Variants in WFS1 observed in about 807,000 individuals in gnomAD.
The protein encoded by WFS1 is wolframin.
A neutral mutation model predicts 68.5 loss-of-function variants in WFS1; 90 were observed. That is an observed-to-expected ratio of 1.31 (90% CI 1.11 to 1.56). The LOEUF (loss-of-function observed/expected upper bound fraction) is 1.56. Among genes scored for constraint, WFS1 ranks in the 40% most tolerant of loss-of-function variants. The pLI is 0.00. For missense variants in WFS1, 1,767 were observed against 1,232.6 expected (o/e 1.43, Z -6.49); for synonymous variants, 860 against 540.7 (o/e 1.59, Z -8.19).
At chr4:6,294,628 G>A (rs900463813) in intron 6 of WFS1, 13 of 322,668 alleles carry the variant, frequency 4.0e-5, no homozygotes, top group African/African-American at 2.6e-4. Context: ...TGCCCTACAG[G>A]GCGGCTTGTC....
intron 2 of WFS1, among the ~76,000 whole-genome samples, chr4:6,278,683 G>A (rs1034227990): frequency 2.6e-5 from 4 of 152,306 alleles, no homozygotes; most frequent in Non-Finnish European, 4.4e-5. Flanking sequence ...TGCTGTGGTC[G>A]CAGCGCGCTG....
chr4:6,297,488 C>G lies in WFS1; in HGVS notation c.861+2299C>G, dbSNP rs1730667716. On this transcript the variant is annotated intron_variant, in intron 7 of 7. Transcript: ENST00000226760. ...GTAGATAGAATCCTCTGAAAACAAA[C>G]TTAATATCTTAAAATCGTAACATTT... 2.0e-5 allele frequency among the ~76,000 whole-genome samples: 3 copies of G among 152,336 alleles called. No individual in the cohort carries two copies. In the South Asian group the frequency reaches 6.2e-4, roughly 32 times the overall value.
At chr4:6,288,282 A>C (rs981930838) in intron 3 of WFS1, among the ~76,000 whole-genome samples, 4 of 151,416 alleles carry the variant, frequency 2.6e-5, no homozygotes, top group African/African-American at 9.7e-5. Flanking sequence ...AGTTCCTCCC[A>C]CATCCTTTTG....
At chr4:6,295,255 G>T (rs1227122406) in intron 7 of WFS1, 66 bp downstream of exon 7, 2 of 1,597,650 alleles carry the variant, frequency 1.3e-6, no homozygotes, top group East Asian at 2.2e-5. Context: ...CTCAGGCAGG[G>T]CACCTTCCAG....
chr4:6,288,259 T>G (rs4458523), intron 3 of WFS1, among the ~76,000 whole-genome samples: 92,572 of 150,884 alleles, frequency 0.61, 29,051 homozygotes, highest in East Asian at 0.93. Context: ...CTCACAGCCA[T>G]ATTGTACTTT....
At chr4:6,273,722 G>A (rs1038327333) in intron 1 of WFS1, among the ~76,000 whole-genome samples, 2 of 152,168 alleles carry the variant, frequency 1.3e-5, no homozygotes, top group South Asian at 4.1e-4. Flanking sequence ...TCCTTCCACC[G>A]GGAGATCTTT....
rs1352459100 is a variant in WFS1 at position 6,289,061 on chromosome 4, G to A, written c.390G>A (p.Leu130=). Residue 130 remains leucine (L), a synonymous_variant, in exon 4 of 8, where the codon CTG becomes CTA. Transcript: ENST00000226760. Reference sequence around the variant, plus strand: ...ACAGCTGCACCGCTGTGGACTGGCTGGTCCTCGCCGCGAAGCAGGGCCGTC... The same window carrying A: ...ACAGCTGCACCGCTGTGGACTGGCTAGTCCTCGCCGCGAAGCAGGGCCGTC... ...ELNSCTAVDW[L]VLAAKQGRRE... 1 of 1,595,896 alleles carries A rather than the reference G, an allele frequency of 6.3e-7. No individual in the cohort carries two copies. Among genetic ancestry groups the A allele is most frequent in the South Asian group, 1.1e-5 (1 of 87,862 alleles).
intron 7 of WFS1, among the ~76,000 whole-genome samples, chr4:6,299,152 G>C (rs1399551469): frequency 1.3e-5 from 2 of 152,206 alleles, no homozygotes; most frequent in Non-Finnish European, 2.9e-5. Flanking sequence ...CTGCCTGGCT[G>C]CCCTGTGTTC....
In WFS1 at chr4:6,302,505, C is replaced by A. The variant is rs1312854010; in HGVS notation, c.*37C>A. ...CACGAGGAGCTTCCAGTGCATGTTGCCATGAGGCCTTTCCCCAGTGTGGCC... is the reference window on the plus strand; with the variant it reads ...CACGAGGAGCTTCCAGTGCATGTTGACATGAGGCCTTTCCCCAGTGTGGCC... On this transcript the variant is annotated 3_prime_UTR_variant, in exon 8 of 8. Transcript: ENST00000226760. 1.6e-5 allele frequency: 25 copies of A among 1,610,112 alleles called. No homozygotes were observed. The highest frequency in any genetic ancestry group is 2.1e-5 in the Non-Finnish European group (25 of 1,179,648).
At chr4:6,272,758 G>A (rs7657752) in intron 1 of WFS1, among the ~76,000 whole-genome samples, 2,541 of 152,262 alleles carry the variant, frequency 0.017, 72 homozygotes, top group African/African-American at 0.056. Context: ...GTTTTCTTCC[G>A]TTTTTTGGCA....
chr4:6,302,603 C>T lies in WFS1; in HGVS notation c.*135C>T. ...ACTGTGGCTGCAGAGACCTTGCGAC[C>T]ATGTGTAGATTGCGTGGACCCCGAC... On this transcript the variant is annotated 3_prime_UTR_variant, in exon 8 of 8. Coordinates refer to ENST00000226760, the MANE Select transcript of WFS1 (RefSeq NM_006005.3). 1.5e-6 allele frequency: 2 copies of T among 1,330,632 alleles called. No individual in the cohort carries two copies. The highest frequency in any genetic ancestry group is 1.4e-5 in the South Asian group (1 of 72,652). 82.4% of individuals were successfully genotyped at this position (1,330,632 alleles called of 1,614,324 possible). A position where few individuals can be genotyped will look rare whatever the true frequency, so the allele number is the denominator to read the frequency against.
intron 7 of WFS1, among the ~76,000 whole-genome samples, chr4:6,297,762 C>T (rs1283435997): frequency 6.6e-6 from 1 of 152,144 alleles, no homozygotes; most frequent in Non-Finnish European, 1.5e-5. Flanking sequence ...CGTTCTTTTT[C>T]CATCTCAGGA....
rs977449893 is a variant in WFS1 at position 6,275,611 on chromosome 4, G to A, written c.-5-1840G>A. ...CACGGGGGTGGGGTGGGGGGGGGGGGTGTGCTTGACCATGCATGGTTTGCA... is the reference window on the plus strand; with the variant it reads ...CACGGGGGTGGGGTGGGGGGGGGGGATGTGCTTGACCATGCATGGTTTGCA... On this transcript the variant is annotated intron_variant, in intron 1 of 7. Transcript: ENST00000226760. 9.8e-5 allele frequency among the ~76,000 whole-genome samples: 10 copies of A among 102,488 alleles called. 1 individual carries two copies. Among genetic ancestry groups the A allele is most frequent in the Non-Finnish European group, 1.6e-4 (8 of 49,612 alleles). 67.2% of individuals were successfully genotyped at this position (102,488 alleles called of 152,430 possible).
chr4:6,288,141 C>G (rs914039100), intron 3 of WFS1, among the ~76,000 whole-genome samples: 1 of 149,982 alleles, frequency 6.7e-6, no homozygotes, highest in African/African-American at 2.5e-5. Context: ...CACTTGAACC[C>G]AGGAAGTGGA....
Position 6,300,809 on chromosome 4 carries a change from C to T in WFS1, c.1014C>T (p.Ile338=), listed in dbSNP as rs748353498. Reference sequence around the variant, plus strand: ...TCTTCATCGTCAGCAACCTCACCATCGACTTCTTCGCCTTCTTCATCCCGC... The same window carrying T: ...TCTTCATCGTCAGCAACCTCACCATTGACTTCTTCGCCTTCTTCATCCCGC... The part of the protein sequence containing the change: ...IFFFIVSNLT[I]DFFAFFIPLV... Residue 338 remains isoleucine (I), a synonymous_variant, in exon 8 of 8, where the codon ATC becomes ATT. Coordinates refer to ENST00000226760, the MANE Select transcript of WFS1 (RefSeq NM_006005.3). The T allele has an allele frequency of 1.2e-5, 20 of 1,613,944 alleles. No individual in the cohort carries two copies. The highest frequency in any genetic ancestry group is 4.5e-5 in the East Asian group (2 of 44,872).
chr4:6,276,194 T>C (rs551115008), intron 1 of WFS1, among the ~76,000 whole-genome samples: 158 of 152,196 alleles, frequency 1.0e-3, no homozygotes, highest in African/African-American at 3.7e-3. Context: ...AGGTTCAAGG[T>C]CCAGCAGTGC....
rs146418094 is a variant in WFS1 at position 6,301,987 on chromosome 4, T to C, written c.2192T>C (p.Met731Thr). Residue 731 changes from methionine to threonine, a missense_variant, in exon 8 of 8, where the codon ATG (methionine) becomes ACG (threonine). Physicochemically the swap from Met to Thr is moderately conservative, Grantham distance 81. Transcript: ENST00000226760. ...CTCCCGTTCTTCATCGGCGACTGGA[T>C]GCGCTGCCTCTACGGCGAGGCCTAC... is the stretch of plus-strand genomic sequence containing the variant. ...NMLPFFIGDW[M>T]RCLYGEAYPA... The C allele has an allele frequency of 3.4e-5, 55 of 1,612,630 alleles. No homozygotes were observed. The highest frequency in any genetic ancestry group is 4.3e-5 in the Non-Finnish European group (51 of 1,179,940).
intron 7 of WFS1, among the ~76,000 whole-genome samples, chr4:6,296,690 C>G (rs1730648776): frequency 6.6e-6 from 1 of 152,198 alleles, no homozygotes; most frequent in Non-Finnish European, 1.5e-5. Flanking sequence ...CGGCCATGGC[C>G]CAGGTGTCCC....
At chr4:6,293,225 G>C (rs1015113028) in intron 6 of WFS1, among the ~76,000 whole-genome samples, 1 of 152,164 alleles carries the variant, frequency 6.6e-6, no homozygotes, top group Non-Finnish European at 1.5e-5. Flanking sequence ...AGTCCCACAG[G>C]GGTTTGTGAT....
Sources: gnomAD v4.1 joint callset for allele counts (sites outside exome capture counted in the v4.1 genomes callset) on GRCh38, gnomAD v4.1.1 for gene constraint, MANE v1.5 for transcripts, NCBI Gene and HGNC (gene_info 2026-07-23, HGNC 2026-07-21) for gene names.